The following PTDSS1 variants were observed in gnomAD, a reference collection of about 807,000 sequenced individuals.
PTDSS1 encodes the protein phosphatidylserine synthase 1, also known as PSS-1.
A neutral mutation model predicts 70.5 loss-of-function variants in PTDSS1; 45 were observed. The observed-to-expected ratio is 0.64, with a 90% CI of 0.50 to 0.82. The LOEUF (loss-of-function observed/expected upper bound fraction) is 0.82, where lower values mean the gene tolerates loss of function less well. Among genes scored for constraint, PTDSS1 ranks in the 40% least tolerant of loss-of-function variants. PTDSS1 has a pLI of 0.00. For missense variants in PTDSS1, 417 were observed against 586.1 expected (o/e 0.71, Z 2.98); for synonymous variants, 188 against 203.8 (o/e 0.92, Z 0.66).
chr8:96,265,469 T>C (rs946252707), intron 1 of PTDSS1, among the ~76,000 whole-genome samples: 2 of 152,186 alleles, frequency 1.3e-5, no homozygotes, highest in Non-Finnish European at 1.5e-5. Flanking sequence ...TATTTAAATA[T>C]CTCCTGTCTT....
At chr8:96,267,402 A>C (rs1350445658) in intron 1 of PTDSS1, among the ~76,000 whole-genome samples, 2 of 152,106 alleles carry the variant, frequency 1.3e-5, no homozygotes, top group Non-Finnish European at 2.9e-5. Context: ...TCCGTTCCCA[A>C]GCCTTTGCTC....
intron 2 of PTDSS1, 106 bp from the exon 3 acceptor site, chr8:96,284,003 A>G (rs771349167): frequency 9.3e-6 from 8 of 864,748 alleles, no homozygotes; most frequent in East Asian, 2.8e-5. Context: ...TTTTAACAGT[A>G]GAGAGCTTTT....
In PTDSS1 at chr8:96,333,966, T is replaced by A; in HGVS notation, c.*400T>A. On this transcript the variant is annotated 3_prime_UTR_variant, in exon 13 of 13. Coordinates refer to ENST00000517309, the MANE Select transcript of PTDSS1 (RefSeq NM_014754.3). ...ATGGTTAATGGACTGGTCACCAGTT[T>A]TTATTTTATTTTTATGAATCTACCT... 1 of 458,952 alleles carries A rather than the reference T, an allele frequency of 2.2e-6. No individual in the cohort carries two copies. Among genetic ancestry groups the A allele is most frequent in the Non-Finnish European group, 3.9e-6 (1 of 259,642 alleles). The allele number at this position is 458,952 out of a possible 1,614,324, so 28.4% of individuals were successfully genotyped here.
chr8:96,307,449 C>CAA lies in PTDSS1; in HGVS notation c.1007+922_1007+923dup, dbSNP rs56284473. The stretch of plus-strand genomic sequence containing the variant: ...TCTTCTTGTCATCATTCAATATTAC[C>CAA]AAAAAAAAAAAAAAAAAAAAAAAAA... On this transcript the variant is annotated intron_variant, in intron 8 of 12. Transcript: ENST00000517309. 7.7e-4 allele frequency among the ~76,000 whole-genome samples: 39 copies of CAA among 50,654 alleles called. 1 individual carries two copies. Among genetic ancestry groups the CAA allele is most frequent in the East Asian group, 1.7e-3 (2 of 1,190 alleles). The allele number at this position is 50,654 out of a possible 152,430, so 33.2% of individuals were successfully genotyped here.
At chr8:96,293,189 A>G (rs1810931139) in intron 4 of PTDSS1, among the ~76,000 whole-genome samples, 1 of 152,242 alleles carries the variant, frequency 6.6e-6, no homozygotes, top group South Asian at 2.1e-4. Context: ...TTATAGCATC[A>G]TCTATACTTT....
chr8:96,316,430 C>G (rs147582699), intron 9 of PTDSS1, among the ~76,000 whole-genome samples: 99 of 152,274 alleles, frequency 6.5e-4, no homozygotes, highest in African/African-American at 2.3e-3. Flanking sequence ...AACATGGGTG[C>G]AGCTGGAGGC....
intron 10 of PTDSS1, among the ~76,000 whole-genome samples, chr8:96,321,506 T>G (rs901546302): frequency 3.3e-5 from 5 of 152,246 alleles, no homozygotes; most frequent in Admixed American, 3.3e-4. Flanking sequence ...CTTTCCCTCG[T>G]AATTTATCGG....
intron 9 of PTDSS1, among the ~76,000 whole-genome samples, chr8:96,317,514 C>T (rs1013811093): frequency 6.6e-6 from 1 of 152,080 alleles, no homozygotes; most frequent in Non-Finnish European, 1.5e-5. Flanking sequence ...GTGGGTGGAT[C>T]ACTTGAGCTC....
intron 2 of PTDSS1, among the ~76,000 whole-genome samples, chr8:96,279,518 TAA>T (rs978433383): frequency 6.8e-6 from 1 of 146,212 alleles, no homozygotes; most frequent in Non-Finnish European, 1.5e-5. Context: ...CTACTTTTTG[TAA>T]AAAAAAAAAA....
Position 96,306,344 on chromosome 8 carries a change from A to G in PTDSS1, c.895-100A>G, listed in dbSNP as rs2130114985. 3 of 888,706 alleles carry G rather than the reference A, an allele frequency of 3.4e-6. No homozygotes were observed. The South Asian group carries it at 4.5e-5, about 13-fold the overall frequency. 55.1% of individuals were successfully genotyped at this position (888,706 alleles called of 1,614,324 possible). A position where few individuals can be genotyped will look rare whatever the true frequency, so the allele number is the denominator to read the frequency against. ...CATCTATTCTCTGAAAATGCTTTGA[A>G]CATACCAATTATTTCTAATTGTAGA... On this transcript the variant is annotated intron_variant, in intron 7 of 12. Transcript: ENST00000517309.
rs752619920 is a variant in PTDSS1, at chr8:96,333,659, A to T, written c.*93A>T. 1.8e-5 allele frequency: 22 copies of T among 1,236,660 alleles called. No homozygotes were observed. In the African/African-American group the frequency reaches 3.0e-4, roughly 17 times the overall value. 76.6% of individuals were successfully genotyped at this position (1,236,660 alleles called of 1,614,324 possible). The stretch of plus-strand genomic sequence containing the variant: ...ACTCCCCGTGAGGAGGTCGAGGCGC[A>T]CAGGGCAAGCAGGAAGAGGCGAGGG... On this transcript the variant is annotated 3_prime_UTR_variant, in exon 13 of 13. Transcript: ENST00000517309.
chr8:96,274,875 ACT>A (rs1330397343), intron 2 of PTDSS1, among the ~76,000 whole-genome samples: 1 of 152,056 alleles, frequency 6.6e-6, no homozygotes, highest in Non-Finnish European at 1.5e-5. Flanking sequence ...TAAAACCATG[ACT>A]CTGAATCTCT....
chr8:96,263,233 C>G (rs1373474770), intron 1 of PTDSS1, among the ~76,000 whole-genome samples: 1 of 152,240 alleles, frequency 6.6e-6, no homozygotes, highest in Non-Finnish European at 1.5e-5. Context: ...TGTGGCTCCT[C>G]ATTCCTAACC....
intron 10 of PTDSS1, among the ~76,000 whole-genome samples, chr8:96,324,801 C>T (rs1258750910): frequency 6.6e-6 from 1 of 152,224 alleles, no homozygotes. Context: ...AGGGACCCCT[C>T]TAATTTCTCT....
intron 9 of PTDSS1, among the ~76,000 whole-genome samples, chr8:96,316,790 C>T (rs1407463192): frequency 6.6e-6 from 1 of 152,088 alleles, no homozygotes; most frequent in Non-Finnish European, 1.5e-5. Flanking sequence ...GTCAGGAGGT[C>T]AAGACCATCC....
intron 9 of PTDSS1, among the ~76,000 whole-genome samples, chr8:96,316,706 C>T (rs1811294044): frequency 6.6e-6 from 1 of 151,972 alleles, no homozygotes. Context: ...AAACATTAAG[C>T]AAACTGGCCA....
intron 2 of PTDSS1, among the ~76,000 whole-genome samples, chr8:96,275,772 A>C (rs1243504068): frequency 1.3e-5 from 2 of 152,214 alleles, no homozygotes; most frequent in Non-Finnish European, 2.9e-5. Context: ...GACTATTCAG[A>C]TGGTAGTGAC....
At chr8:96,271,103 A>G (rs1810559829) in intron 1 of PTDSS1, among the ~76,000 whole-genome samples, 2 of 152,210 alleles carry the variant, frequency 1.3e-5, no homozygotes, top group Non-Finnish European at 2.9e-5. Context: ...TCCAAGATAC[A>G]TCAAAGGGTA....
chr8:96,302,761 T>C (rs535603863), intron 6 of PTDSS1, among the ~76,000 whole-genome samples: 32 of 152,158 alleles, frequency 2.1e-4, no homozygotes, highest in African/African-American at 7.2e-4. Flanking sequence ...TTTGTATTTT[T>C]AGTAGAGACA....
Sources: allele counts gnomAD v4.1 joint callset (sites outside exome capture counted in the v4.1 genomes callset), GRCh38; gene constraint gnomAD v4.1.1; transcripts MANE v1.5; gene names NCBI Gene and HGNC (gene_info 2026-07-23, HGNC 2026-07-21).